The following C1QC variants were observed in gnomAD, a reference collection of about 807,000 sequenced individuals.
C1QC encodes the protein complement C1q subcomponent subunit C.
In C1QC, 4 loss-of-function variants were observed where a neutral mutation model predicts 5.9. The ratio of observed to expected loss-of-function variants is 0.68; its 90% CI spans 0.33 to 1.55. The LOEUF (loss-of-function observed/expected upper bound fraction) is 1.55, where lower values mean the gene tolerates loss of function less well. Among genes scored for constraint, C1QC ranks in the 40% most tolerant of loss-of-function variants. The pLI, the probability that C1QC is intolerant of heterozygous loss-of-function variation, is 0.06. For synonymous variants in C1QC, 166 were observed against 153.8 expected, an observed-to-expected ratio of 1.08 and a Z score of -0.59; for missense variants, 299 against 326.9, an observed-to-expected ratio of 0.91 and a Z score of 0.66.
At position 22,647,951 on chromosome 1, in the gene C1QC, T is replaced by C. The variant is rs1570086774; in HGVS notation, c.*168T>C. 3 of 821,028 alleles carry C rather than the reference T, an allele frequency of 3.7e-6. No individual in the cohort carries two copies. Among genetic ancestry groups the C allele is most frequent in the Admixed American group, 5.6e-5 (2 of 35,462 alleles). 50.9% of individuals were successfully genotyped at this position (821,028 alleles called of 1,614,324 possible). On this transcript the variant is annotated 3_prime_UTR_variant, in exon 3 of 3. Transcript: ENST00000374640. ...CCACCCCCACTGCACCCCCTCCCCA[T>C]GGGTTCTCTCCTTCCTCTGAACTTC...
chr1:22,647,724 A>G lies in C1QC; in HGVS notation c.679A>G (p.Met227Val). The part of the protein sequence containing the change: ...VWLAVNDYYD[M>V]VGIQGSDSVF... ...GCTGGCTGTCAATGACTACTACGACATGGTGGGCATCCAGGGCTCTGACAG... is the reference window on the plus strand; with the variant it reads ...GCTGGCTGTCAATGACTACTACGACGTGGTGGGCATCCAGGGCTCTGACAG... The change falls in exon 3 of 3, where the codon ATG (methionine) becomes GTG (valine). Residue 227 changes from methionine (M) to valine (V), a missense_variant. Physicochemically the swap from Met to Val is conservative, Grantham distance 21 (BLOSUM62 1). Around this residue, in one of 3 missense-constraint regions of C1QC, gnomAD observed 144 missense variants for 155.1 expected, o/e 0.93. Transcript: ENST00000374640. 1 of 1,601,928 alleles carries G rather than the reference A, an allele frequency of 6.2e-7. No homozygotes were observed. Among genetic ancestry groups the G allele is most frequent in the South Asian group, 1.1e-5 (1 of 91,084 alleles).
Position 22,647,603 on chromosome 1 carries a change from C to T in C1QC, c.558C>T (p.Gly186=), listed in dbSNP as rs778689690. 1.6e-5 allele frequency: 26 copies of T among 1,614,104 alleles called. No individual in the cohort carries two copies. The highest frequency in any genetic ancestry group is 1.1e-4 in the East Asian group (5 of 44,900). The change falls in exon 3 of 3, where the codon GGC becomes GGT. Residue 186 remains glycine (G), a synonymous_variant. Transcript: ENST00000374640. ...ANLCVLLYRS[G]VKVVTFCGHT... is the part of the protein sequence containing the mutation. ...TGTGCGTGCTGCTGTACCGCAGCGGCGTCAAAGTGGTCACCTTCTGTGGCC... is the reference window on the plus strand; with the variant it reads ...TGTGCGTGCTGCTGTACCGCAGCGGTGTCAAAGTGGTCACCTTCTGTGGCC...
intron 2 of C1QC, among the ~76,000 whole-genome samples, chr1:22,646,151 C>T (rs115879991): frequency 0.01 from 1,598 of 152,288 alleles, 34 homozygotes; most frequent in African/African-American, 0.037. Flanking sequence ...GTCTCTAACT[C>T]GGCTTCCTCA....
At chr1:22,643,796 G>A (rs1231950462) in intron 1 of C1QC, 82 bp downstream of exon 1, 3 of 1,338,426 alleles carry the variant, frequency 2.2e-6, no homozygotes, top group African/African-American at 1.5e-5. Context: ...GTGGTGCCAG[G>A]GGCAGCTTGG....
chr1:22,644,323 C>T, intron 2 of C1QC, 119 bp downstream of exon 2: 1 of 1,321,420 alleles, frequency 7.6e-7, no homozygotes, highest in South Asian at 1.6e-5. Flanking sequence ...CCACGCCTGC[C>T]CCAGGGCAGA....
chr1:22,644,416 G>A lies in C1QC; in HGVS notation c.181+212G>A, dbSNP rs866688775. The stretch of plus-strand genomic sequence containing the variant: ...CCCCAGAGGTGACCTTGGGCCCAGC[G>A]CACTTCCATCTTCCTTCTCCTCCTT... On this transcript the variant is annotated intron_variant, in intron 2 of 2. Coordinates refer to ENST00000374640, the MANE Select transcript of C1QC (RefSeq NM_172369.5). Among the ~76,000 whole-genome samples the A allele has an allele frequency of 3.3e-5, 5 of 152,144 alleles. No homozygotes were observed. In the South Asian group the frequency reaches 6.2e-4, roughly 19 times the overall value.
In C1QC at chr1:22,644,137, G is replaced by T. The variant is rs1307178776; in HGVS notation, c.114G>T (p.Met38Ile). ...ANTGCYGIPGMPGLPGAPGKD... is the reference protein window; with the variant it reads ...ANTGCYGIPGIPGLPGAPGKD... ...CAGGCTGCTACGGGATCCCAGGGAT[G>T]CCCGGCCTGCCCGGGGCACCAGGGA... Residue 38 changes from methionine to isoleucine, a missense_variant, in exon 2 of 3, where the codon ATG becomes ATT. Physicochemically the swap from Met to Ile is conservative, Grantham distance 10 (BLOSUM62 1). This residue lies in a region of C1QC where 146 missense variants were observed against 144.1 expected (regional missense o/e 1.01). Coordinates refer to ENST00000374640, the MANE Select transcript of C1QC (RefSeq NM_172369.5). The T allele has an allele frequency of 1.3e-6, 2 of 1,584,270 alleles. No individual in the cohort carries two copies. The highest frequency in any genetic ancestry group is 4.6e-5 in the East Asian group (2 of 43,950).
At position 22,647,853 on chromosome 1, in the gene C1QC, T is replaced by C. The variant is rs2148297789; in HGVS notation, c.*70T>C. 1 of 1,585,502 alleles carries C rather than the reference T, an allele frequency of 6.3e-7. No individual in the cohort carries two copies. On this transcript the variant is annotated 3_prime_UTR_variant, in exon 3 of 3. Transcript: ENST00000374640. The stretch of plus-strand genomic sequence containing the variant: ...AGCTTCCTGCATGGACCCACCTTAC[T>C]GGCCAGTCTGCATCCTTGCCTAGAC...
Position 22,647,318 on chromosome 1 carries a change from A to G in C1QC, c.273A>G (p.Gly91=). ...ATCCTGGGAAAAATGGCCCCATGGGACCCCCTGGGATGCCAGGGGTGCCCG... is the reference window on the plus strand; with the variant it reads ...ATCCTGGGAAAAATGGCCCCATGGGGCCCCCTGGGATGCCAGGGGTGCCCG... ...PGHPGKNGPM[G]PPGMPGVPGP... Residue 91 remains glycine (G), a synonymous_variant, in exon 3 of 3, where the codon GGA becomes GGG. Coordinates refer to ENST00000374640, the MANE Select transcript of C1QC (RefSeq NM_172369.5). 1.2e-6 allele frequency: 2 copies of G among 1,613,252 alleles called. No homozygotes were observed. Among genetic ancestry groups the G allele is most frequent in the Non-Finnish European group, 8.5e-7 (1 of 1,179,766 alleles).
At position 22,647,297 on chromosome 1, in the gene C1QC, T is replaced by TG; in HGVS notation, c.255dup (p.Lys86GlufsTer25). 1.2e-6 allele frequency: 2 copies of TG among 1,613,542 alleles called. No homozygotes were observed. Among genetic ancestry groups the TG allele is most frequent in the South Asian group, 1.1e-5 (1 of 91,064 alleles). On this transcript the variant is annotated frameshift_variant, in exon 3 of 3. Transcript: ENST00000374640. LOFTEE classifies it low-confidence loss of function (END_TRUNC). ...GAGAACCCGGCTTACCCGGCCATCC[T>TG]GGGAAAAATGGCCCCATGGGACCCC...
rs1642407267 is a variant in C1QC, at chr1:22,647,979, T to C, written c.*196T>C. 1.5e-6 allele frequency: 1 copy of C among 656,274 alleles called. No homozygotes were observed. The highest frequency in any genetic ancestry group is 2.6e-6 in the Non-Finnish European group (1 of 390,646). 40.7% of individuals were successfully genotyped at this position (656,274 alleles called of 1,614,324 possible). A position where few individuals can be genotyped will look rare whatever the true frequency, so the allele number is the denominator to read the frequency against. On this transcript the variant is annotated 3_prime_UTR_variant, in exon 3 of 3. Coordinates refer to ENST00000374640, the MANE Select transcript of C1QC (RefSeq NM_172369.5). The stretch of plus-strand genomic sequence containing the variant: ...GTTCTCTCCTTCCTCTGAACTTCTT[T>C]AGGAGTCACTGCTTGTGTGGTTCCT...
rs1054971058 is a variant in C1QC, at chr1:22,647,710, A to G, written c.665A>G (p.Asn222Ser). Residue 222 changes from asparagine to serine, a missense_variant, in exon 3 of 3, where the codon AAT becomes AGT. This residue lies in a region of C1QC where 144 missense variants were observed against 155.1 expected (regional missense o/e 0.93). Coordinates refer to ENST00000374640, the MANE Select transcript of C1QC (RefSeq NM_172369.5). Reference protein sequence around the residue: ...QVGEEVWLAVNDYYDMVGIQG... With the variant: ...QVGEEVWLAVSDYYDMVGIQG... ...GGCGAGGAGGTGTGGCTGGCTGTCAATGACTACTACGACATGGTGGGCATC... is the reference window on the plus strand; with the variant it reads ...GGCGAGGAGGTGTGGCTGGCTGTCAGTGACTACTACGACATGGTGGGCATC... 3 of 1,603,764 alleles carry G rather than the reference A, an allele frequency of 1.9e-6. No individual in the cohort carries two copies. Among genetic ancestry groups the G allele is most frequent in the Admixed American group, 3.3e-5 (2 of 60,014 alleles).
Position 22,643,991 on chromosome 1 carries a change from C to T in C1QC, c.-13-20C>T, listed in dbSNP as rs1427947466. The T allele has an allele frequency of 3.1e-6, 5 of 1,587,416 alleles. No homozygotes were observed. The highest frequency in any genetic ancestry group is 1.3e-5 in the African/African-American group (1 of 74,666). ...GCAGGTGAGGGGCTGGCGGGGACAG[C>T]TCAGCTCTCTCCCTCCCAGTTCCTT... is the stretch of plus-strand genomic sequence containing the variant. On this transcript the variant is annotated intron_variant, in intron 1 of 2. Coordinates refer to ENST00000374640, the MANE Select transcript of C1QC (RefSeq NM_172369.5).
At chr1:22,646,339 T>G (rs928920706) in intron 2 of C1QC, among the ~76,000 whole-genome samples, 1 of 152,258 alleles carries the variant, frequency 6.6e-6, no homozygotes, top group East Asian at 1.9e-4. Flanking sequence ...ATATAGGTTT[T>G]GTGGGACTCT....
chr1:22,647,864 C>T lies in C1QC; in HGVS notation c.*81C>T. ...TGGACCCACCTTACTGGCCAGTCTGCATCCTTGCCTAGACCATTCTCCCCA... is the reference window on the plus strand; with the variant it reads ...TGGACCCACCTTACTGGCCAGTCTGTATCCTTGCCTAGACCATTCTCCCCA... On this transcript the variant is annotated 3_prime_UTR_variant, in exon 3 of 3. Coordinates refer to ENST00000374640, the MANE Select transcript of C1QC (RefSeq NM_172369.5). The T allele has an allele frequency of 2.5e-6, 4 of 1,569,458 alleles. No individual in the cohort carries two copies. The highest frequency in any genetic ancestry group is 3.4e-6 in the Non-Finnish European group (4 of 1,159,424).
At chr1:22,646,877 C>T (rs1305541957) in intron 2 of C1QC, among the ~76,000 whole-genome samples, 1 of 152,162 alleles carries the variant, frequency 6.6e-6, no homozygotes, top group Non-Finnish European at 1.5e-5. Context: ...TACTTGTGGC[C>T]ACATGCCATC....
rs370014774 is a variant in C1QC at position 22,647,778 on chromosome 1, G to C, written c.733G>C (p.Asp245His). Residue 245 changes from aspartate (D) to histidine (H), a missense_variant, in exon 3 of 3, where the codon GAC becomes CAC. Asp to His is a moderately conservative substitution (Grantham distance 81). Around this residue, in one of 3 missense-constraint regions of C1QC, gnomAD observed 144 missense variants for 155.1 expected, o/e 0.93. Coordinates refer to ENST00000374640, the MANE Select transcript of C1QC (RefSeq NM_172369.5). ...CTTCTCCGGCTTCCTGCTCTTCCCC[G>C]ACTAGGGCGGGCAGATGCGCTCGAG... ...SVFSGFLLFPD is the reference protein window; with the variant it reads ...SVFSGFLLFPH 5.0e-6 allele frequency: 8 copies of C among 1,599,500 alleles called. No homozygotes were observed. The highest frequency in any genetic ancestry group is 5.9e-6 in the Non-Finnish European group (7 of 1,179,936).
At chr1:22,644,934 G>A (rs540741122) in intron 2 of C1QC, among the ~76,000 whole-genome samples, 2 of 152,178 alleles carry the variant, frequency 1.3e-5, no homozygotes, top group Non-Finnish European at 2.9e-5. Context: ...CATAAGAGAA[G>A]GGGGCTGAGG....
chr1:22,643,882 C>G, intron 1 of C1QC, 129 bp from the exon 2 acceptor site: 1 of 1,377,658 alleles, frequency 7.3e-7, no homozygotes, highest in East Asian at 2.6e-5. Flanking sequence ...CACCATCCAT[C>G]CATGGTGAGG....
Sources: allele counts gnomAD v4.1 joint callset (sites outside exome capture counted in the v4.1 genomes callset), GRCh38; gene constraint gnomAD v4.1.1; regional missense constraint gnomAD v4.1.1; transcripts MANE v1.5; gene names NCBI Gene and HGNC (gene_info 2026-07-23, HGNC 2026-07-21).